The following NR1I2 variants were observed in gnomAD, a reference collection of about 807,000 sequenced individuals.
NR1I2 encodes the protein nuclear receptor subfamily 1 group I member 2.
Under a neutral mutation model 43.3 loss-of-function variants are expected in NR1I2, and 42 were observed. The ratio of observed to expected loss-of-function variants is 0.97; its 90% confidence interval spans 0.76 to 1.26. NR1I2 has a LOEUF of 1.26. NR1I2 is among the 50% of genes most tolerant of loss of function. The probability of loss-of-function intolerance (pLI) is 0.00; values close to 1 mark genes in which losing one functional copy is unlikely to be tolerated. For synonymous variants in NR1I2, 229 were observed against 215.0 expected (o/e 1.06, Z -0.57); for missense variants, 559 against 566.7 (o/e 0.99, Z 0.14).
At chr3:119,810,534 G>A in intron 3 of NR1I2, 1 of 324,180 alleles carries the variant, frequency 3.1e-6, no homozygotes, top group Non-Finnish European at 5.8e-6. Flanking sequence ...TTTGCGGGTA[G>A]GAGTGTGAAT....
intron 7 of NR1I2, 105 bp downstream of exon 7, chr3:119,815,544 G>T: frequency 9.0e-7 from 1 of 1,112,814 alleles, no homozygotes; most frequent in Non-Finnish European, 1.4e-6. Context: ...GCGCAGCCAG[G>T]ATGGGGGCTC....
At position 119,817,093 on chromosome 3, in the gene NR1I2, A is replaced by G. The variant is rs1393990160; in HGVS notation, c.1186A>G (p.Met396Val). 2 of 1,614,088 alleles carry G rather than the reference A, an allele frequency of 1.2e-6. No homozygotes were observed. Among genetic ancestry groups the G allele is most frequent in the South Asian group, 1.1e-5 (1 of 91,084 alleles). Residue 396 changes from methionine to valine, a missense_variant, in exon 9 of 9, where the codon ATG becomes GTG. Coordinates refer to ENST00000393716, the MANE Select transcript of NR1I2 (RefSeq NM_003889.4). ...GTTCTTGTTCCTGAAGATCATGGCTATGCTCACCGAGCTCCGCAGCATCAA... is the reference window on the plus strand; with the variant it reads ...GTTCTTGTTCCTGAAGATCATGGCTGTGCTCACCGAGCTCCGCAGCATCAA...
chr3:119,811,407 T>C (rs1173834260), intron 3 of NR1I2, 132 bp from the exon 4 acceptor site: 1 of 857,388 alleles, frequency 1.2e-6, no homozygotes. Flanking sequence ...CAGGGGAGAA[T>C]TGCTTGTCAC....
chr3:119,792,306 C>A, intron 1 of NR1I2: 2 of 1,455,806 alleles, frequency 1.4e-6, no homozygotes, highest in Admixed American at 1.8e-5. Context: ...CACCTTTGGG[C>A]TCATCCTGGA....
At chr3:119,802,210 G>C (rs960681771) in intron 1 of NR1I2, among the ~76,000 whole-genome samples, 6 of 152,192 alleles carry the variant, frequency 3.9e-5, no homozygotes, top group Admixed American at 2.0e-4. Flanking sequence ...AGGAACTATA[G>C]AATGTGCCAG....
chr3:119,792,558 C>G (rs1454544976), intron 1 of NR1I2: 1 of 929,828 alleles, frequency 1.1e-6, no homozygotes, highest in Non-Finnish European at 1.7e-6. Context: ...CAGTGAGGGC[C>G]CACCCTGCCT....
At chr3:119,798,639 C>A (rs75582048) in intron 1 of NR1I2, among the ~76,000 whole-genome samples, 176 of 121,436 alleles carry the variant, frequency 1.4e-3, no homozygotes, top group South Asian at 2.5e-3. Context: ...GACTCCGTCT[C>A]AAAAAAAAAA....
Position 119,812,891 on chromosome 3 carries a change from A to G in NR1I2, c.725A>G (p.His242Arg), listed in dbSNP as rs754260839. The stretch of plus-strand genomic sequence containing the variant: ...AAAGAGATCTTCTCCCTGCTGCCCC[A>G]CATGGCTGACATGTCAACCTACATG... Residue 242 changes from histidine (H) to arginine (R), a missense_variant, in exon 5 of 9, where the codon CAC (histidine) becomes CGC (arginine). His to Arg is a conservative substitution (Grantham distance 29). This residue lies in a region of NR1I2 where 323 missense variants were observed against 312.2 expected (regional missense o/e 1.03). Transcript: ENST00000393716. 4.3e-6 allele frequency: 7 copies of G among 1,613,990 alleles called. No individual in the cohort carries two copies. Among genetic ancestry groups the G allele is most frequent in the South Asian group, 1.1e-5 (1 of 91,086 alleles).
intron 1 of NR1I2, among the ~76,000 whole-genome samples, chr3:119,789,417 T>G (rs1476838636): frequency 4.6e-5 from 7 of 152,152 alleles, no homozygotes; most frequent in African/African-American, 1.7e-4. Context: ...ATGTCTTACA[T>G]GGTGTCAGGC....
chr3:119,792,768 G>A (rs971586935), intron 1 of NR1I2, among the ~76,000 whole-genome samples: 9 of 152,096 alleles, frequency 5.9e-5, no homozygotes, highest in African/African-American at 1.9e-4. Context: ...CCAGCTACTC[G>A]GGAAGCTGAG....
chr3:119,789,248 TC>T (rs774605338), intron 1 of NR1I2, among the ~76,000 whole-genome samples: 7 of 152,192 alleles, frequency 4.6e-5, no homozygotes, highest in Non-Finnish European at 7.3e-5. Context: ...ATCTTTTTCT[TC>T]CTGATTGTAG....
intron 1 of NR1I2, among the ~76,000 whole-genome samples, chr3:119,797,280 C>T (rs1216669700): frequency 1.3e-5 from 2 of 151,528 alleles, no homozygotes; most frequent in Non-Finnish European, 2.9e-5. Flanking sequence ...CACAGGGGAT[C>T]TTATACTGAA....
intron 1 of NR1I2, among the ~76,000 whole-genome samples, chr3:119,801,472 C>T (rs921919464): frequency 6.6e-6 from 1 of 152,218 alleles, no homozygotes; most frequent in African/African-American, 2.4e-5. Context: ...CTCAGACACC[C>T]AGTCACTGTC....
intron 1 of NR1I2, among the ~76,000 whole-genome samples, chr3:119,799,509 G>C (rs2055047039): frequency 6.6e-6 from 1 of 152,028 alleles, no homozygotes; most frequent in African/African-American, 2.4e-5. Context: ...AGTGTAGAAA[G>C]CACAAACATT....
intron 1 of NR1I2, among the ~76,000 whole-genome samples, chr3:119,784,211 A>C (rs2054814847): frequency 6.6e-6 from 1 of 152,192 alleles, no homozygotes; most frequent in African/African-American, 2.4e-5. Flanking sequence ...CACACTCCAA[A>C]CAATGCTTGC....
chr3:119,810,163 C>T lies in NR1I2; in HGVS notation c.300C>T (p.Arg100=), dbSNP rs2055218447. 1 of 1,612,266 alleles carries T rather than the reference C, an allele frequency of 6.2e-7. No homozygotes were observed. Among genetic ancestry groups the T allele is most frequent in the African/African-American group, 1.3e-5 (1 of 75,050 alleles). The stretch of plus-strand genomic sequence containing the variant: ...GACAGTGCCAGGCCTGCCGCCTGCG[C>T]AAGTGCCTGGAGAGCGGCATGAAGA... The change falls in exon 3 of 9, where the codon CGC becomes CGT. Residue 100 remains arginine, a synonymous_variant. Transcript: ENST00000393716.
chr3:119,808,870 A>C (rs956924243), intron 2 of NR1I2, among the ~76,000 whole-genome samples: 6 of 152,248 alleles, frequency 3.9e-5, no homozygotes, highest in Admixed American at 1.3e-4. Context: ...CCTTTAAATA[A>C]TGTGAGCCCC....
chr3:119,812,133 G>C (rs763851217), intron 4 of NR1I2, among the ~76,000 whole-genome samples: 1 of 152,162 alleles, frequency 6.6e-6, no homozygotes, highest in South Asian at 2.1e-4. Flanking sequence ...GCTGGCATTC[G>C]GGGCTTTATG....
chr3:119,806,058 T>C (rs982021666), intron 1 of NR1I2, among the ~76,000 whole-genome samples: 12 of 152,336 alleles, frequency 7.9e-5, no homozygotes, highest in African/African-American at 2.9e-4. Flanking sequence ...CAGAAATTTA[T>C]GTGTTAGAAT....
Sources: gnomAD v4.1 joint callset for allele counts (sites outside exome capture counted in the v4.1 genomes callset) on GRCh38, gnomAD v4.1.1 for gene constraint, gnomAD v4.1.1 regional missense constraint, MANE v1.5 for transcripts, NCBI Gene and HGNC (gene_info 2026-07-23, HGNC 2026-07-21) for gene names.